PML: variants seen among roughly 807,000 people sequenced by gnomAD.
PML encodes the protein PML nuclear body scaffold.
Under a neutral mutation model 65.2 loss-of-function variants are expected in PML, and 28 were observed. The observed-to-expected ratio is 0.43, with a 90% CI of 0.32 to 0.59. The LOEUF (loss-of-function observed/expected upper bound fraction) is 0.59. Ranked by LOEUF, PML falls within the 20% of genes least tolerant of loss-of-function variation. The pLI, the probability that PML is intolerant of heterozygous loss-of-function variation, is 0.08. For missense variants in PML, 1,021 were observed against 1,203.4 expected (o/e 0.85, Z 2.24); for synonymous variants, 500 against 508.8 (o/e 0.98, Z 0.23).
At position 73,998,188 on chromosome 15, in the gene PML, A is replaced by G. The variant is rs760548118; in HGVS notation, c.314A>G (p.Asp105Gly). The change falls in exon 2 of 9, where the codon GAT (aspartate) becomes GGT (glycine). Residue 105 changes from aspartate to glycine, a missense_variant. Asp to Gly is a moderately conservative substitution (Grantham distance 94). Coordinates refer to ENST00000268058, the MANE Select transcript of PML (RefSeq NM_033238.3). The stretch of plus-strand genomic sequence containing the variant: ...CTAGGTGCAGACACACCCGCCCTGG[A>G]TAACGTCTTTTTCGAGAGTCTGCAG... ...WPLGADTPAL[D>G]NVFFESLQRR... The G allele has an allele frequency of 3.7e-6, 6 of 1,614,218 alleles. No individual in the cohort carries two copies. Among genetic ancestry groups the G allele is most frequent in the Non-Finnish European group, 4.2e-6 (5 of 1,180,018 alleles).
At position 74,035,878 on chromosome 15, in the gene PML, C is replaced by T. The variant is rs767737457; in HGVS notation, c.1710+1348C>T. The stretch of plus-strand genomic sequence containing the variant: ...GTGCCTCTGGAAGCCTCTCCAATTA[C>T]ATTCCCACCACCCTGTGCCCCAGAA... On this transcript the variant is annotated intron_variant, in intron 7 of 8. Coordinates refer to ENST00000268058, the MANE Select transcript of PML (RefSeq NM_033238.3). The surrounding 1 kb of genome is among the most constrained non-coding windows in gnomAD (Gnocchi z 4.1). 9 of 1,613,782 alleles carry T rather than the reference C, an allele frequency of 5.6e-6. No homozygotes were observed. The South Asian group carries it at 9.9e-5, about 18-fold the overall frequency.
rs1216325761 is a variant in PML at position 74,045,933 on chromosome 15, G to A, written c.*925G>A. 4.3e-5 allele frequency: 10 copies of A among 232,292 alleles called. No individual in the cohort carries two copies. Among genetic ancestry groups the A allele is most frequent in the Non-Finnish European group, 6.8e-5 (8 of 117,498 alleles). The allele number at this position is 232,292 out of a possible 1,614,324, so 14.4% of individuals were successfully genotyped here. A position where few individuals can be genotyped will look rare whatever the true frequency, so the allele number is the denominator to read the frequency against. ...AGTCTGTGTTTTAACAGGTTCTCCC[G>A]GTGATGCTGGTGCATGCTCAAGTTT... On this transcript the variant is annotated 3_prime_UTR_variant, in exon 9 of 9. Transcript: ENST00000268058.
intron 7 of PML, among the ~76,000 whole-genome samples, chr15:74,040,021 G>A (rs547255608): frequency 1.3e-5 from 2 of 152,266 alleles, no homozygotes; most frequent in South Asian, 4.1e-4. Flanking sequence ...TGAGGAAGGG[G>A]AGTGAGATGG....
intron 2 of PML, among the ~76,000 whole-genome samples, chr15:74,004,328 T>G (rs11072461): frequency 0.62 from 94,516 of 151,984 alleles, 29,476 homozygotes; most frequent in Non-Finnish European, 0.65. Flanking sequence ...TAGAGATAAG[T>G]TCTTGCTCTG....
intron 2 of PML, among the ~76,000 whole-genome samples, chr15:74,011,246 G>A (rs1444866699): frequency 6.6e-6 from 1 of 152,136 alleles, no homozygotes; most frequent in African/African-American, 2.4e-5. Context: ...AAATCTCAGT[G>A]TGTCTTTGAT....
Position 73,998,139 on chromosome 15 carries a change from C to T in PML, c.265C>T (p.Pro89Ser), listed in dbSNP as rs955683290. 1 of 1,614,136 alleles carries T rather than the reference C, an allele frequency of 6.2e-7. No individual in the cohort carries two copies. The highest frequency in any genetic ancestry group is 8.5e-7 in the Non-Finnish European group (1 of 1,180,032). ...GCLEASGMQCPICQAPWPLGA... is the reference protein window; with the variant it reads ...GCLEASGMQCSICQAPWPLGA... ...CCTGGAGGCGTCGGGCATGCAGTGC[C>T]CCATCTGCCAGGCGCCCTGGCCCCT... The change falls in exon 2 of 9, where the codon CCC (proline) becomes TCC (serine). Residue 89 changes from proline to serine, a missense_variant. Coordinates refer to ENST00000268058, the MANE Select transcript of PML (RefSeq NM_033238.3).
intron 7 of PML, chr15:74,036,144 G>C (rs2071552191): frequency 6.2e-7 from 1 of 1,608,956 alleles, no homozygotes; most frequent in Admixed American, 1.7e-5. Context: ...CTGGCTGAGA[G>C]GGGAAGGCTA....
chr15:73,998,152 C>G lies in PML; in HGVS notation c.278C>G (p.Ala93Gly), dbSNP rs531642849. 1.1e-5 allele frequency: 17 copies of G among 1,614,194 alleles called. No homozygotes were observed. The highest frequency in any genetic ancestry group is 1.4e-5 in the Non-Finnish European group (16 of 1,180,036). ...GGCATGCAGTGCCCCATCTGCCAGG[C>G]GCCCTGGCCCCTAGGTGCAGACACA... ...ASGMQCPICQAPWPLGADTPA... is the reference protein window; with the variant it reads ...ASGMQCPICQGPWPLGADTPA... The change falls in exon 2 of 9, where the codon GCG becomes GGG. Residue 93 changes from alanine to glycine, a missense_variant. By Grantham distance (60) the Ala-to-Gly change is moderately conservative. Transcript: ENST00000268058.
At chr15:74,029,058 T>G (rs1024822706) in intron 4 of PML, among the ~76,000 whole-genome samples, 2 of 151,698 alleles carry the variant, frequency 1.3e-5, no homozygotes, top group African/African-American at 4.8e-5. Flanking sequence ...TATTTTTAAT[T>G]TTTTTTTTGA....
Position 73,998,423 on chromosome 15 carries a change from G to T in PML, c.549G>T (p.Lys183Asn), listed in dbSNP as rs1458135124. 6.2e-7 allele frequency: 1 copy of T among 1,614,020 alleles called. No individual in the cohort carries two copies. Among genetic ancestry groups the T allele is most frequent in the East Asian group, 2.2e-5 (1 of 44,870 alleles). ...SVREFLDGTR[K>N]TNNIFCSNPN... is the part of the protein sequence containing the mutation. ...GTGAGTTCCTGGACGGCACCCGCAAGACCAACAACATCTTCTGCTCCAACC... is the reference window on the plus strand; with the variant it reads ...GTGAGTTCCTGGACGGCACCCGCAATACCAACAACATCTTCTGCTCCAACC... The change falls in exon 2 of 9, where the codon AAG (lysine) becomes AAT (asparagine). Residue 183 changes from lysine to asparagine, a missense_variant. Transcript: ENST00000268058.
chr15:74,003,288 C>A (rs57940614), intron 2 of PML, among the ~76,000 whole-genome samples: 1 of 151,940 alleles, frequency 6.6e-6, no homozygotes, highest in Non-Finnish European at 1.5e-5. Context: ...AAAAATTAGC[C>A]GGGCGTGGTG....
chr15:74,017,517 C>T lies in PML; in HGVS notation c.603-5311C>T, dbSNP rs138089719. 5.9e-5 allele frequency among the ~76,000 whole-genome samples: 9 copies of T among 152,046 alleles called. No homozygotes were observed. The East Asian group carries it at 1.6e-3, about 26-fold the overall frequency. ...CAAAAGAATTAGCCAGGTGTGGTGGCGTACACCTGTAGTTCCGGCTGCTTG... is the reference window on the plus strand; with the variant it reads ...CAAAAGAATTAGCCAGGTGTGGTGGTGTACACCTGTAGTTCCGGCTGCTTG... On this transcript the variant is annotated intron_variant, in intron 2 of 8. Coordinates refer to ENST00000268058, the MANE Select transcript of PML (RefSeq NM_033238.3).
Position 74,037,043 on chromosome 15 carries a change from C to G in PML, c.1710+2513C>G. On this transcript the variant is annotated intron_variant, in intron 7 of 8. Coordinates refer to ENST00000268058, the MANE Select transcript of PML (RefSeq NM_033238.3). This position sits in a 1 kb window ranked among gnomAD's most constrained non-coding sequence, Gnocchi z 4.2. ...CCTGGAAGGACTCAGGAGCTTGTCG[C>G]CTCTGTGCTGCCACCTGGAGACCGA... 2.0e-6 allele frequency: 2 copies of G among 985,466 alleles called. No homozygotes were observed. The highest frequency in any genetic ancestry group is 2.4e-6 in the Non-Finnish European group (2 of 829,938). The allele number at this position is 985,466 out of a possible 1,614,324, so 61.0% of individuals were successfully genotyped here.
chr15:73,999,112 GC>G (rs970175717), intron 2 of PML, among the ~76,000 whole-genome samples: 1 of 152,182 alleles, frequency 6.6e-6, no homozygotes, highest in Admixed American at 6.5e-5. Context: ...ATGCCCAACT[GC>G]CTAATTCCCA....
At chr15:74,014,286 T>A (rs2070461925) in intron 2 of PML, among the ~76,000 whole-genome samples, 1 of 152,104 alleles carries the variant, frequency 6.6e-6, no homozygotes, top group Non-Finnish European at 1.5e-5. Flanking sequence ...GCCTTAATCA[T>A]CTTTACACCC....
Position 74,023,305 on chromosome 15 carries a change from C to T in PML, c.1080C>T (p.Arg360=). The part of the protein sequence containing the change: ...GFLRQALCRL[R]QEEPQSLQAA... ...TGCGCCAGGCGCTCTGCCGCCTGCG[C>T]CAGGAGGAGCCCCAGAGCCTGCAAG... Residue 360 remains arginine, a synonymous_variant, in exon 3 of 9, where the codon CGC becomes CGT. Transcript: ENST00000268058. The T allele has an allele frequency of 6.2e-7, 1 of 1,608,952 alleles. No individual in the cohort carries two copies. The highest frequency in any genetic ancestry group is 8.5e-7 in the Non-Finnish European group (1 of 1,179,684).
chr15:74,043,332 C>T lies in PML; in HGVS notation c.1861+193C>T, dbSNP rs145373016. The T allele has an allele frequency of 1.8e-5, 27 of 1,460,082 alleles. No homozygotes were observed. The South Asian group carries it at 1.9e-4, about 10-fold the overall frequency. 90.4% of individuals were successfully genotyped at this position (1,460,082 alleles called of 1,614,324 possible). A position where few individuals can be genotyped will look rare whatever the true frequency, so the allele number is the denominator to read the frequency against. On this transcript the variant is annotated intron_variant, in intron 8 of 8. Transcript: ENST00000268058. This position sits in a 1 kb window ranked among gnomAD's most constrained non-coding sequence, Gnocchi z 4.3. ...ATTTGCTGGCTTGAATAAAGATGTC[C>T]GCCTTATCCAGTGCCTGAGTGTGCG...
intron 2 of PML, among the ~76,000 whole-genome samples, chr15:73,998,771 C>T (rs985919472): frequency 5.3e-5 from 8 of 152,190 alleles, no homozygotes; most frequent in Non-Finnish European, 1.0e-4. Context: ...AGTGCCACTG[C>T]TGGGTGTAGG....
At chr15:74,008,209 T>C (rs2070155252) in intron 2 of PML, among the ~76,000 whole-genome samples, 1 of 152,144 alleles carries the variant, frequency 6.6e-6, no homozygotes, top group Non-Finnish European at 1.5e-5. Flanking sequence ...ACTAGTGAGT[T>C]TGCAGCATCT....
Sources: gnomAD v4.1 joint callset for allele counts (sites outside exome capture counted in the v4.1 genomes callset) on GRCh38, gnomAD v4.1.1 for gene constraint, Gnocchi (gnomAD v3.1) non-coding constraint, MANE v1.5 for transcripts, NCBI Gene and HGNC (gene_info 2026-07-23, HGNC 2026-07-21) for gene names.